The following COL19A1 variants were observed in gnomAD, a reference collection of about 807,000 sequenced individuals.
COL19A1 encodes collagen alpha-1(XIX) chain.
COL19A1 carries 159 observed loss-of-function variants against 190.2 expected under a neutral mutation model. The observed-to-expected ratio is 0.84, with a 90% CI of 0.73 to 0.95. The LOEUF is 0.95. Among genes scored for constraint, COL19A1 ranks in the 40% least tolerant of loss-of-function variants. The pLI, the probability that COL19A1 is intolerant of heterozygous loss-of-function variation, is 0.00. For missense variants in COL19A1, 1,418 were observed against 1,431.9 expected, an observed-to-expected ratio of 0.99 and a Z score of 0.16; for synonymous variants, 509 against 458.9, an observed-to-expected ratio of 1.11 and a Z score of -1.39.
chr6:70,185,864 A>G (rs1766481510), intron 46 of COL19A1, among the ~76,000 whole-genome samples: 1 of 152,182 alleles, frequency 6.6e-6, no homozygotes, highest in Admixed American at 6.5e-5. Context: ...ATAATAACTG[A>G]AGGAAATGTG....
intron 11 of COL19A1, among the ~76,000 whole-genome samples, chr6:70,004,063 C>A (rs751289284): frequency 2.0e-5 from 3 of 152,164 alleles, no homozygotes; most frequent in Non-Finnish European, 4.4e-5. Context: ...GCAAGGCAGA[C>A]CTGGTGGTAA....
chr6:69,893,955 C>G (rs895359243), intron 2 of COL19A1, among the ~76,000 whole-genome samples: 24 of 151,814 alleles, frequency 1.6e-4, no homozygotes, highest in African/African-American at 5.3e-4. Context: ...TCTGGAAGCA[C>G]CACCCCCGCC....
intron 34 of COL19A1, 64 bp downstream of exon 34, chr6:70,156,787 T>C (rs1177006605): frequency 1.1e-5 from 14 of 1,310,726 alleles, no homozygotes; most frequent in African/African-American, 3.0e-5. Flanking sequence ...CTCAACAGAG[T>C]AAAAATGTTA....
intron 2 of COL19A1, among the ~76,000 whole-genome samples, 175 bp from the exon 3 acceptor site, chr6:69,898,773 A>G (rs1769961601): frequency 1.3e-5 from 2 of 152,232 alleles, no homozygotes; most frequent in South Asian, 2.1e-4. Context: ...CTACATAAGT[A>G]ACCACATGTA....
chr6:69,921,420 TATATA>T (rs1771847715), intron 4 of COL19A1, among the ~76,000 whole-genome samples: 6 of 115,422 alleles, frequency 5.2e-5, no homozygotes, highest in African/African-American at 8.2e-5. Context: ...TCATATATCA[TATATA>T]TCATATATAT....
intron 16 of COL19A1, among the ~76,000 whole-genome samples, chr6:70,107,256 G>A (rs1249563770): frequency 6.6e-6 from 1 of 152,136 alleles, no homozygotes. Context: ...CTAGAACAAT[G>A]TTTGAGTTTT....
chr6:69,939,388 A>G (rs1044755709), intron 9 of COL19A1, among the ~76,000 whole-genome samples: 1 of 151,896 alleles, frequency 6.6e-6, no homozygotes, highest in African/African-American at 2.4e-5. Flanking sequence ...TGATCCTTAC[A>G]CTCACTCTTC....
chr6:69,998,661 A>G (rs1777069869), intron 11 of COL19A1, among the ~76,000 whole-genome samples: 1 of 151,574 alleles, frequency 6.6e-6, no homozygotes, highest in African/African-American at 2.4e-5. Context: ...AAAAAAAAAA[A>G]AAGACAGAAA....
chr6:70,100,235 T>C (rs888962771), intron 15 of COL19A1, among the ~76,000 whole-genome samples: 1 of 152,164 alleles, frequency 6.6e-6, no homozygotes. Flanking sequence ...CTTTGTGTTG[T>C]TGTGAATTAA....
At chr6:70,192,405 AT>A (rs1766929553) in intron 48 of COL19A1, among the ~76,000 whole-genome samples, 1 of 152,016 alleles carries the variant, frequency 6.6e-6, no homozygotes, top group Admixed American at 6.5e-5. Flanking sequence ...GCTACCAGTA[AT>A]TTTAATGTTG....
chr6:70,120,591 A>G (rs1452802576), intron 16 of COL19A1, among the ~76,000 whole-genome samples: 2 of 152,242 alleles, frequency 1.3e-5, no homozygotes, highest in Admixed American at 6.5e-5. Flanking sequence ...ATATAATGCC[A>G]TAAGAATTCT....
chr6:69,921,553 T>TGTATATTCATATATATTC (rs777126073), intron 4 of COL19A1, among the ~76,000 whole-genome samples: 2 of 115,276 alleles, frequency 1.7e-5, no homozygotes, highest in African/African-American at 6.8e-5. Context: ...TATATATTCA[T>TGTATATTCATATATATTC]ATATATATTC....
intron 24 of COL19A1, 35 bp from the exon 25 acceptor site, chr6:70,144,883 G>T (rs1786513063): frequency 3.8e-6 from 5 of 1,326,076 alleles, no homozygotes; most frequent in Non-Finnish European, 5.3e-6. Flanking sequence ...ATGAACCTGA[G>T]CATCAAAGTA....
chr6:70,114,082 C>T (rs939149737), intron 16 of COL19A1, among the ~76,000 whole-genome samples: 2 of 152,032 alleles, frequency 1.3e-5, no homozygotes, highest in African/African-American at 2.4e-5. Flanking sequence ...AACTCCTGAG[C>T]TCAAGCAATC....
In COL19A1 at chr6:70,165,950, G is replaced by A. The variant is rs1765125428; in HGVS notation, c.2410G>A (p.Gly804Arg). ...TGAKGEKGSD[G>R]PPGKPGPPGP... The stretch of plus-strand genomic sequence containing the variant: ...TATATATCCCTTGCAGGGCAGCGAC[G>A]GACCCCCTGGGAAACCCGGACCACC... The change falls in exon 37 of 51, where the codon GGA becomes AGA. Residue 804 changes from glycine to arginine, a missense_variant. Physicochemically the swap from Gly to Arg is moderately radical, Grantham distance 125. Transcript: ENST00000620364. 6.2e-7 allele frequency: 1 copy of A among 1,613,742 alleles called. No homozygotes were observed. The highest frequency in any genetic ancestry group is 1.1e-5 in the South Asian group (1 of 91,072).
intron 19 of COL19A1, among the ~76,000 whole-genome samples, chr6:70,138,109 C>T (rs1161011202): frequency 6.6e-6 from 1 of 152,128 alleles, no homozygotes; most frequent in Non-Finnish European, 1.5e-5. Flanking sequence ...CACAAAGCTC[C>T]TCTGGTATAA....
intron 14 of COL19A1, among the ~76,000 whole-genome samples, chr6:70,057,824 G>A (rs1173800094): frequency 6.6e-6 from 1 of 151,994 alleles, no homozygotes; most frequent in African/African-American, 2.4e-5. Flanking sequence ...CCATAGCTAT[G>A]GCAGTTAATA....
rs1300946550 is a variant in COL19A1, at chr6:70,156,221, T to A, written c.2174T>A (p.Met725Lys). 1 of 1,613,176 alleles carries A rather than the reference T, an allele frequency of 6.2e-7. No homozygotes were observed. Among genetic ancestry groups the A allele is most frequent in the East Asian group, 2.2e-5 (1 of 44,830 alleles). Reference protein sequence around the residue: ...GAGEPGKYDSMARKGDIGPRG... With the variant: ...GAGEPGKYDSKARKGDIGPRG... ...GGTGAGCCTGGAAAGTATGATTCCA[T>A]GGCCCGGAAGGTGAGAAGCCTGGCT... Residue 725 changes from methionine (M) to lysine (K), a missense_variant, in exon 32 of 51, where the codon ATG (methionine) becomes AAG (lysine). Met to Lys is a moderately conservative substitution (Grantham distance 95). Coordinates refer to ENST00000620364, the MANE Select transcript of COL19A1 (RefSeq NM_001858.6).
chr6:70,000,272 T>C (rs997868219), intron 11 of COL19A1, among the ~76,000 whole-genome samples: 1 of 152,248 alleles, frequency 6.6e-6, no homozygotes, highest in African/African-American at 2.4e-5. Context: ...CTATCATTGA[T>C]GGGCATTTGG....
Sources: gnomAD v4.1 joint callset for allele counts (sites outside exome capture counted in the v4.1 genomes callset) on GRCh38, gnomAD v4.1.1 for gene constraint, MANE v1.5 for transcripts, NCBI Gene and HGNC (gene_info 2026-07-23, HGNC 2026-07-21) for gene names.